Variants in ECHDC1 observed in about 807,000 individuals in gnomAD.
The protein encoded by ECHDC1 is ethylmalonyl-CoA decarboxylase 1, also known as ethylmalonyl-CoA decarboxylase.
In ECHDC1, 29 loss-of-function variants were observed where a neutral mutation model predicts 29.7. That is an observed-to-expected ratio of 0.98 (90% CI 0.73 to 1.33). The LOEUF is 1.33. ECHDC1 is among the 40% of genes most tolerant of loss of function. The probability of loss-of-function intolerance (pLI) is 0.00; values close to 1 mark genes in which losing one functional copy is unlikely to be tolerated. For synonymous variants in ECHDC1, 126 were observed against 123.1 expected (o/e 1.02, Z -0.15); for missense variants, 328 against 350.0 (o/e 0.94, Z 0.50).
intron 5 of ECHDC1, among the ~76,000 whole-genome samples, chr6:127,300,526 G>A (rs927075961): frequency 6.6e-6 from 1 of 152,174 alleles, no homozygotes; most frequent in African/African-American, 2.4e-5. Flanking sequence ...GCAGCATAAG[G>A]ATAAATAAGA....
chr6:127,337,228 C>T (rs1784504537), intron 1 of ECHDC1, among the ~76,000 whole-genome samples: 1 of 152,206 alleles, frequency 6.6e-6, no homozygotes. Flanking sequence ...AGAGCCTCCC[C>T]TTCCCGCTTT....
rs1779949075 is a variant in ECHDC1, at chr6:127,289,708, A to G, written c.*161T>C. On this transcript the variant is annotated 3_prime_UTR_variant, in exon 6 of 6. Coordinates refer to ENST00000454859, the MANE Select transcript of ECHDC1 (RefSeq NM_001002030.2). ...AATACCCAAGTGAGTAATTGGCAAG[A>G]AATGAGGTAAATGAGTTCAGATATT... 2 of 738,226 alleles carry G rather than the reference A, an allele frequency of 2.7e-6. No homozygotes were observed. The highest frequency in any genetic ancestry group is 2.1e-6 in the Non-Finnish European group (1 of 483,492). 45.7% of individuals were successfully genotyped at this position (738,226 alleles called of 1,614,324 possible). A position where few individuals can be genotyped will look rare whatever the true frequency, so the allele number is the denominator to read the frequency against.
At chr6:127,331,338 G>T (rs1197284946) in intron 1 of ECHDC1, among the ~76,000 whole-genome samples, 3 of 151,950 alleles carry the variant, frequency 2.0e-5, no homozygotes. Context: ...TAGAGGCAGG[G>T]TTTCACCATG....
At chr6:127,332,933 T>C (rs1158206045) in intron 1 of ECHDC1, among the ~76,000 whole-genome samples, 1 of 152,106 alleles carries the variant, frequency 6.6e-6, no homozygotes, top group Non-Finnish European at 1.5e-5. Flanking sequence ...GCTGGGACTA[T>C]AGGTATATGC....
At chr6:127,296,336 C>T (rs1036705247) in intron 5 of ECHDC1, among the ~76,000 whole-genome samples, 3 of 152,030 alleles carry the variant, frequency 2.0e-5, no homozygotes, top group African/African-American at 4.8e-5. Flanking sequence ...TGCAACTACA[C>T]GTGCGCCATC....
At chr6:127,303,573 G>A (rs771283778) in intron 5 of ECHDC1, among the ~76,000 whole-genome samples, 34 of 152,262 alleles carry the variant, frequency 2.2e-4, no homozygotes, top group Non-Finnish European at 3.8e-4. Flanking sequence ...AAAATCTGAC[G>A]CCAGCAGAGG....
chr6:127,324,072 A>G (rs988417603), intron 3 of ECHDC1, among the ~76,000 whole-genome samples: 7 of 152,266 alleles, frequency 4.6e-5, no homozygotes, highest in Admixed American at 3.9e-4. Flanking sequence ...GCTGATTTTT[A>G]ATGATGACCA....
At chr6:127,293,396 G>A (rs544170870) in intron 5 of ECHDC1, among the ~76,000 whole-genome samples, 232 of 152,250 alleles carry the variant, frequency 1.5e-3, no homozygotes, top group Non-Finnish European at 2.5e-3. Flanking sequence ...GATGTGAAGT[G>A]CATACACTCA....
chr6:127,325,566 A>G (rs1783250293), intron 3 of ECHDC1, among the ~76,000 whole-genome samples: 1 of 152,192 alleles, frequency 6.6e-6, no homozygotes, highest in African/African-American at 2.4e-5. Flanking sequence ...ACTACCTCCC[A>G]AAGTTTCCTC....
In ECHDC1 at chr6:127,335,617, C is replaced by T. The variant is rs1583014460; in HGVS notation, c.-2-4587G>A. Among the ~76,000 whole-genome samples the T allele has an allele frequency of 3.3e-5, 5 of 152,078 alleles. No individual in the cohort carries two copies. The South Asian group carries it at 1.0e-3, about 32-fold the overall frequency. ...CTGTTATCGTCTTTCTTTGTATCCT[C>T]CCTCCCTCCCACCAAAAAAGTCACC... On this transcript the variant is annotated intron_variant, in intron 1 of 5. Transcript: ENST00000454859.
At chr6:127,299,783 C>T (rs1780913733) in intron 5 of ECHDC1, among the ~76,000 whole-genome samples, 1 of 152,158 alleles carries the variant, frequency 6.6e-6, no homozygotes, top group Non-Finnish European at 1.5e-5. Flanking sequence ...CACTCACTCA[C>T]TTACCCAGAG....
chr6:127,301,812 T>C (rs938162239), intron 5 of ECHDC1, among the ~76,000 whole-genome samples: 2 of 152,206 alleles, frequency 1.3e-5, no homozygotes, highest in African/African-American at 4.8e-5. Flanking sequence ...TTCTAATCGA[T>C]TGCAGACCAA....
intron 3 of ECHDC1, chr6:127,317,958 T>C (rs1045006912): frequency 6.6e-6 from 1 of 152,148 alleles, no homozygotes; most frequent in Admixed American, 6.6e-5. Context: ...GCATTCAGGG[T>C]GGTATGGCTG....
At chr6:127,290,479 C>G (rs897859386) in intron 5 of ECHDC1, among the ~76,000 whole-genome samples, 4 of 151,946 alleles carry the variant, frequency 2.6e-5, no homozygotes, top group African/African-American at 9.7e-5. Context: ...AAAACAGTAT[C>G]ATTTTTTGTT....
intron 2 of ECHDC1, among the ~76,000 whole-genome samples, chr6:127,330,160 G>T (rs959997540): frequency 2.6e-5 from 4 of 152,186 alleles, no homozygotes; most frequent in Non-Finnish European, 1.5e-5. Context: ...TAACACAGTG[G>T]TAGCGTAGTT....
chr6:127,340,715 G>A (rs1445684057), intron 1 of ECHDC1, among the ~76,000 whole-genome samples: 1 of 150,884 alleles, frequency 6.6e-6, no homozygotes, highest in East Asian at 2.0e-4. Context: ...AAGAAACTTG[G>A]TAAGGACTTA....
At chr6:127,340,363 G>C (rs1009847919) in intron 1 of ECHDC1, among the ~76,000 whole-genome samples, 2 of 152,160 alleles carry the variant, frequency 1.3e-5, no homozygotes, top group African/African-American at 4.8e-5. Flanking sequence ...AAGGGAACTT[G>C]CTTTCTCCCT....
chr6:127,334,252 T>TAC (rs1784232621), intron 1 of ECHDC1, among the ~76,000 whole-genome samples: 1 of 152,088 alleles, frequency 6.6e-6, no homozygotes, highest in South Asian at 2.1e-4. Context: ...GTAAAACCCA[T>TAC]TACTCCTTCT....
At position 127,326,548 on chromosome 6, in the gene ECHDC1, G is replaced by T. The variant is rs768529822; in HGVS notation, c.363+454C>A. ...GGGAAACTGGATGCAGGGTGTACAG[G>T]AACTCTGTATTCCATCTGCAACTTT... On this transcript the variant is annotated intron_variant, in intron 3 of 5. Coordinates refer to ENST00000454859, the MANE Select transcript of ECHDC1 (RefSeq NM_001002030.2). The T allele has an allele frequency of 2.2e-4, 98 of 450,160 alleles. 1 individual carries two copies. Among genetic ancestry groups the T allele is most frequent in the South Asian group, 1.6e-3 (98 of 59,482 alleles). 27.9% of individuals were successfully genotyped at this position (450,160 alleles called of 1,614,324 possible).
Sources: gnomAD v4.1 joint callset for allele counts (sites outside exome capture counted in the v4.1 genomes callset) on GRCh38, gnomAD v4.1.1 for gene constraint, MANE v1.5 for transcripts, NCBI Gene and HGNC (gene_info 2026-07-23, HGNC 2026-07-21) for gene names.